The following PLA2G4D variants were observed in gnomAD, a reference collection of about 807,000 sequenced individuals.
The protein encoded by PLA2G4D is cytosolic phospholipase A2 delta.
In PLA2G4D, 80 loss-of-function variants were observed where a neutral mutation model predicts 94.4. The observed-to-expected ratio is 0.85, with a 90% confidence interval of 0.71 to 1.02. PLA2G4D has a LOEUF of 1.02. Ranked by LOEUF, PLA2G4D falls within the 50% of genes least tolerant of loss-of-function variation. PLA2G4D has a pLI of 0.00. For missense variants in PLA2G4D, 1,050 were observed against 1,034.7 expected (o/e 1.01, Z -0.20); for synonymous variants, 438 against 440.9 (o/e 0.99, Z 0.08).
intron 1 of PLA2G4D, among the ~76,000 whole-genome samples, chr15:42,093,076 G>T (rs963482136): frequency 6.6e-6 from 1 of 152,140 alleles, no homozygotes; most frequent in Admixed American, 6.5e-5. Context: ...AACAGGTCCC[G>T]GATGGCCAGC....
intron 14 of PLA2G4D, 96 bp from the exon 15 acceptor site, chr15:42,072,007 C>T: frequency 6.9e-7 from 1 of 1,451,506 alleles, no homozygotes; most frequent in Non-Finnish European, 9.4e-7. Context: ...CCCAGCAGGC[C>T]TGAGCCCTGC....
At chr15:42,069,015 G>T (rs1028648372) in intron 19 of PLA2G4D, 74 bp from the exon 20 acceptor site, 1 of 1,364,784 alleles carries the variant, frequency 7.3e-7, no homozygotes, top group Non-Finnish European at 1.0e-6. Context: ...GCACAGGGAG[G>T]GCTGCCCCCG....
At position 42,084,024 on chromosome 15, in the gene PLA2G4D, GC is replaced by G. The variant is rs1361902364; in HGVS notation, c.472-246del. 1.9e-6 allele frequency: 1 copy of G among 525,264 alleles called. No homozygotes were observed. 32.5% of individuals were successfully genotyped at this position (525,264 alleles called of 1,614,324 possible). ...CCTCCCCTCCAGCTCCCCTGGCTTT[GC>G]CAAACTCCCGAAACCTCCTAGAGCG... On this transcript the variant is annotated intron_variant, in intron 6 of 19. Coordinates refer to ENST00000290472, the MANE Select transcript of PLA2G4D (RefSeq NM_178034.4). This position sits in a 1 kb window ranked among gnomAD's most constrained non-coding sequence, Gnocchi z 4.8.
At chr15:42,087,826 G>T in intron 1 of PLA2G4D, 126 bp from the exon 2 acceptor site, 2 of 935,784 alleles carry the variant, frequency 2.1e-6, no homozygotes. Flanking sequence ...CCCCTGCCAG[G>T]CGTTCCGGGG....
chr15:42,080,036 G>A (rs1443121790), intron 12 of PLA2G4D, among the ~76,000 whole-genome samples: 1 of 152,098 alleles, frequency 6.6e-6, no homozygotes, highest in Non-Finnish European at 1.5e-5. Flanking sequence ...TATTTAATTC[G>A]CTATATTCAA....
chr15:42,086,194 T>TGGGGGGGGGGGGGGGGGG lies in PLA2G4D; in HGVS notation c.387+18_387+19insCCCCCCCCCCCCCCCCCC. 9.5e-5 allele frequency: 130 copies of TGGGGGGGGGGGGGGGGGG among 1,370,292 alleles called. No individual in the cohort carries two copies. The highest frequency in any genetic ancestry group is 1.1e-4 in the Non-Finnish European group (110 of 1,042,950). The allele number at this position is 1,370,292 out of a possible 1,614,324, so 84.9% of individuals were successfully genotyped here. A position where few individuals can be genotyped will look rare whatever the true frequency, so the allele number is the denominator to read the frequency against. The stretch of plus-strand genomic sequence containing the variant: ...GGAAGAAGTGGGGCCCACGGGGACT[T>TGGGGGGGGGGGGGGGGGG]CCCCACCCACCCACCCACCTGGGGA... On this transcript the variant is annotated intron_variant, in intron 4 of 19. Coordinates refer to ENST00000290472, the MANE Select transcript of PLA2G4D (RefSeq NM_178034.4).
intron 1 of PLA2G4D, among the ~76,000 whole-genome samples, 163 bp from the exon 2 acceptor site, chr15:42,087,863 T>C (rs1366831808): frequency 6.6e-6 from 1 of 152,246 alleles, no homozygotes; most frequent in Non-Finnish European, 1.5e-5. Context: ...AAAGAGCCTT[T>C]GTCCACTTCT....
intron 3 of PLA2G4D, 22 bp downstream of exon 3, chr15:42,087,278 G>A (rs763055235): frequency 2.5e-6 from 4 of 1,613,712 alleles, no homozygotes; most frequent in African/African-American, 2.7e-5. Flanking sequence ...CAAGGGAGTG[G>A]CCAGGAGTCC....
intron 1 of PLA2G4D, among the ~76,000 whole-genome samples, chr15:42,089,526 C>T (rs1890213391): frequency 6.6e-6 from 1 of 152,202 alleles, no homozygotes. Flanking sequence ...ACTCCAGTGG[C>T]ACCAGCAACA....
At chr15:42,094,241 G>A (rs1474131207) in intron 1 of PLA2G4D, among the ~76,000 whole-genome samples, 174 bp downstream of exon 1, 1 of 151,472 alleles carries the variant, frequency 6.6e-6, no homozygotes, top group Admixed American at 6.6e-5. Flanking sequence ...CCCAGCCCCC[G>A]CATCTACGGA....
intron 3 of PLA2G4D, 61 bp from the exon 4 acceptor site, chr15:42,086,405 T>A: frequency 1.3e-6 from 2 of 1,548,562 alleles, no homozygotes; most frequent in Non-Finnish European, 1.8e-6. Flanking sequence ...AGCTCACCTC[T>A]GTTGAGCCCT....
Position 42,071,189 on chromosome 15 carries a change from T to TG in PLA2G4D, c.1809dup (p.Asn604GlnfsTer14), listed in dbSNP as rs1434881380. On this transcript the variant is annotated frameshift_variant, in exon 17 of 20. Transcript: ENST00000290472. LOFTEE classifies it high-confidence loss of function. ...TGCAGCTGGAGGCCCTGGAGGAAGTTGGGGCTGCGCTGGTGGAGGGGCCTG... is the reference window on the plus strand; with the variant it reads ...TGCAGCTGGAGGCCCTGGAGGAAGTTGGGGGCTGCGCTGGTGGAGGGGCCTG... 6.2e-7 allele frequency: 1 copy of TG among 1,613,488 alleles called. No homozygotes were observed. The highest frequency in any genetic ancestry group is 1.7e-5 in the Admixed American group (1 of 59,874).
chr15:42,080,411 C>T (rs79445853), intron 12 of PLA2G4D, among the ~76,000 whole-genome samples: 3,096 of 152,248 alleles, frequency 0.02, 79 homozygotes, highest in African/African-American at 0.059. Context: ...CGTCATGCTG[C>T]GGGGTGAGGG....
chr15:42,089,056 G>A (rs967782068), intron 1 of PLA2G4D, among the ~76,000 whole-genome samples: 7 of 152,224 alleles, frequency 4.6e-5, no homozygotes, highest in African/African-American at 1.7e-4. Flanking sequence ...AAGTAAGTAC[G>A]ATCTTCTCAG....
At chr15:42,079,108 G>A (rs1290948563) in intron 13 of PLA2G4D, among the ~76,000 whole-genome samples, 1 of 152,204 alleles carries the variant, frequency 6.6e-6, no homozygotes, top group Non-Finnish European at 1.5e-5. Context: ...ACACAGAGAG[G>A]TTAAGTAACT....
chr15:42,085,261 G>A, intron 5 of PLA2G4D, 123 bp from the exon 6 acceptor site: 1 of 1,195,824 alleles, frequency 8.4e-7, no homozygotes, highest in Non-Finnish European at 1.2e-6. Flanking sequence ...TCAGGGACAA[G>A]GGGAGATGCT....
At position 42,086,194 on chromosome 15, in the gene PLA2G4D, T is replaced by TTGGGGGGGGGCCCC; in HGVS notation, c.387+18_387+19insGGGGCCCCCCCCCA. The TTGGGGGGGGGCCCC allele has an allele frequency of 2.9e-6, 4 of 1,370,442 alleles. No individual in the cohort carries two copies. The highest frequency in any genetic ancestry group is 1.6e-5 in the African/African-American group (1 of 64,356). The allele number at this position is 1,370,442 out of a possible 1,614,324, so 84.9% of individuals were successfully genotyped here. Reference sequence around the variant, plus strand: ...GGAAGAAGTGGGGCCCACGGGGACTTCCCCACCCACCCACCCACCTGGGGA... The same window carrying TTGGGGGGGGGCCCC: ...GGAAGAAGTGGGGCCCACGGGGACTTTGGGGGGGGGCCCCCCCCACCCACCCACCCACCTGGGGA... On this transcript the variant is annotated intron_variant, in intron 4 of 19. Transcript: ENST00000290472.
At position 42,071,434 on chromosome 15, in the gene PLA2G4D, C is replaced by T. The variant is rs1364816415; in HGVS notation, c.1681+10G>A. On this transcript the variant is annotated intron_variant, in intron 16 of 19. Transcript: ENST00000290472. ...CATCCCAGGCCCCTCAGTGCCCCTGCCCTTCCCACCTAAGCTCCTGGTCTT... is the reference window on the plus strand; with the variant it reads ...CATCCCAGGCCCCTCAGTGCCCCTGTCCTTCCCACCTAAGCTCCTGGTCTT... The T allele has an allele frequency of 1.9e-6, 3 of 1,606,538 alleles. No homozygotes were observed. The South Asian group carries it at 3.3e-5, about 18-fold the overall frequency.
At position 42,081,793 on chromosome 15, in the gene PLA2G4D, T is replaced by G. The variant is rs1209670425; in HGVS notation, c.821+4A>C. 5 of 1,614,042 alleles carry G rather than the reference T, an allele frequency of 3.1e-6. No homozygotes were observed. The highest frequency in any genetic ancestry group is 4.2e-6 in the Non-Finnish European group (5 of 1,180,022). On this transcript the variant is annotated splice_donor_region_variant and intron_variant, in intron 10 of 19. Coordinates refer to ENST00000290472, the MANE Select transcript of PLA2G4D (RefSeq NM_178034.4). ...CTGTCCCCACAGATGTGAATGTCCCTTACCAGCCCTCTGCCTTGAGCTGCA... is the reference window on the plus strand; with the variant it reads ...CTGTCCCCACAGATGTGAATGTCCCGTACCAGCCCTCTGCCTTGAGCTGCA...
Sources: allele counts gnomAD v4.1 joint callset (sites outside exome capture counted in the v4.1 genomes callset), GRCh38; gene constraint gnomAD v4.1.1; non-coding constraint Gnocchi (gnomAD v3.1); transcripts MANE v1.5; gene names NCBI Gene and HGNC (gene_info 2026-07-23, HGNC 2026-07-21).